Variants in SESTD1 observed in about 807,000 individuals in gnomAD.
SESTD1 encodes the protein SEC14 domain and spectrin repeat-containing protein 1.
A neutral mutation model predicts 101.7 loss-of-function variants in SESTD1; 43 were observed. That is an observed-to-expected ratio of 0.42 (90% CI 0.33 to 0.55). SESTD1 has a LOEUF of 0.55. SESTD1 is among the 20% of genes least tolerant of loss of function. The probability of loss-of-function intolerance (pLI) is 0.07; values close to 1 mark genes in which losing one functional copy is unlikely to be tolerated. For missense variants in SESTD1, 647 were observed against 815.1 expected, an observed-to-expected ratio of 0.79 and a Z score of 2.51; for synonymous variants, 283 against 286.8, an observed-to-expected ratio of 0.99 and a Z score of 0.13.
intron 1 of SESTD1, among the ~76,000 whole-genome samples, chr2:179,227,292 C>T (rs187935164): frequency 4.9e-4 from 74 of 152,266 alleles, no homozygotes; most frequent in Non-Finnish European, 9.4e-4. Context: ...CCCCCCACCT[C>T]ACTTTCTCAC....
intron 1 of SESTD1, among the ~76,000 whole-genome samples, chr2:179,218,151 A>T (rs1279520689): frequency 6.6e-6 from 1 of 152,200 alleles, no homozygotes; most frequent in African/African-American, 2.4e-5. Flanking sequence ...TTTAAAAAAT[A>T]ACATAAACAT....
intron 1 of SESTD1, among the ~76,000 whole-genome samples, chr2:179,207,025 C>T (rs1489469878): frequency 1.5e-5 from 2 of 133,240 alleles, no homozygotes; most frequent in African/African-American, 6.0e-5. Context: ...CACCCACCAT[C>T]CCCCAAAGTG....
Position 179,115,148 on chromosome 2 carries a change from C to T in SESTD1, c.1756G>A (p.Val586Ile). 1 of 1,613,926 alleles carries T rather than the reference C, an allele frequency of 6.2e-7. No individual in the cohort carries two copies. Among genetic ancestry groups the T allele is most frequent in the South Asian group, 1.1e-5 (1 of 91,044 alleles). Residue 586 changes from valine (V) to isoleucine (I), a missense_variant, in exon 16 of 18, where the codon GTA becomes ATA. By Grantham distance (29) the Val-to-Ile change is conservative. Coordinates refer to ENST00000428443, the MANE Select transcript of SESTD1 (RefSeq NM_178123.5). Reference protein sequence around the residue: ...SGDTLPRLNRVWKQFTIASEE... With the variant: ...SGDTLPRLNRIWKQFTIASEE... ...GATGCTATTGTAAATTGTTTCCATA[C>T]TCTGTTCAGTCGAGGAAGTGTATCC... is the stretch of plus-strand genomic sequence containing the variant.
At chr2:179,177,666 C>T (rs2046034657) in intron 3 of SESTD1, among the ~76,000 whole-genome samples, 1 of 152,140 alleles carries the variant, frequency 6.6e-6, no homozygotes, top group Non-Finnish European at 1.5e-5. Context: ...AGCACTGAAG[C>T]TGAGCTTCCA....
intron 1 of SESTD1, among the ~76,000 whole-genome samples, chr2:179,220,572 G>A (rs1055238904): frequency 6.6e-6 from 1 of 152,078 alleles, no homozygotes; most frequent in African/African-American, 2.4e-5. Context: ...GCCTTGTGTT[G>A]AGCTCTAGAA....
At position 179,105,116 on chromosome 2, in the gene SESTD1, AAG is replaced by A. The variant is rs1172097057; in HGVS notation, c.*4781_*4782del. On this transcript the variant is annotated 3_prime_UTR_variant, in exon 18 of 18. Transcript: ENST00000428443. Reference sequence around the variant, plus strand: ...TTCATCATCACTGCCTGAGTTTACCAAGAGACTGCTCCTCTCTAAGCATAGCC... The same window carrying A: ...TTCATCATCACTGCCTGAGTTTACCAAGACTGCTCCTCTCTAAGCATAGCC... The A allele has an allele frequency of 1.3e-5, 2 of 151,010 alleles. No homozygotes were observed. Among genetic ancestry groups the A allele is most frequent in the African/African-American group, 4.9e-5 (2 of 41,072 alleles). 9.4% of individuals were successfully genotyped at this position (151,010 alleles called of 1,614,324 possible).
intron 10 of SESTD1, 99 bp downstream of exon 10, chr2:179,132,205 T>C (rs2045028176): frequency 2.9e-6 from 4 of 1,373,686 alleles, no homozygotes; most frequent in African/African-American, 3.0e-5. Context: ...TCATGCCCCA[T>C]ACCAAAGTTT....
At chr2:179,141,596 T>C (rs1013967483) in intron 9 of SESTD1, among the ~76,000 whole-genome samples, 8 of 152,240 alleles carry the variant, frequency 5.3e-5, no homozygotes, top group Non-Finnish European at 1.2e-4. Flanking sequence ...AAAAATTACC[T>C]TCTTTAATTC....
chr2:179,190,473 G>A (rs914299350), intron 2 of SESTD1, among the ~76,000 whole-genome samples: 2 of 151,728 alleles, frequency 1.3e-5, no homozygotes, highest in African/African-American at 4.8e-5. Flanking sequence ...TCTGAGTATC[G>A]GCCTCAGAAA....
intron 2 of SESTD1, among the ~76,000 whole-genome samples, chr2:179,187,014 C>T (rs922904105): frequency 7.9e-5 from 12 of 152,152 alleles, no homozygotes; most frequent in Non-Finnish European, 1.0e-4. Context: ...ATTTCACATC[C>T]CACCAAACTA....
chr2:179,126,835 C>G (rs572277882), intron 10 of SESTD1, among the ~76,000 whole-genome samples: 2 of 152,212 alleles, frequency 1.3e-5, no homozygotes, highest in African/African-American at 4.8e-5. Context: ...GCCTTAGTAG[C>G]TGCTAAGGCC....
At chr2:179,161,864 T>C (rs985316877) in intron 5 of SESTD1, among the ~76,000 whole-genome samples, 4 of 152,200 alleles carry the variant, frequency 2.6e-5, no homozygotes, top group Non-Finnish European at 5.9e-5. Context: ...ATGTGTAAAG[T>C]CTTTTATTCT....
intron 16 of SESTD1, among the ~76,000 whole-genome samples, chr2:179,114,700 T>C (rs1055453663): frequency 6.6e-6 from 1 of 152,212 alleles, no homozygotes; most frequent in East Asian, 1.9e-4. Flanking sequence ...TGACAATTAA[T>C]AGCAGTTGCC....
At chr2:179,163,393 A>G (rs1559122689) in intron 5 of SESTD1, among the ~76,000 whole-genome samples, 1 of 152,134 alleles carries the variant, frequency 6.6e-6, no homozygotes, top group Non-Finnish European at 1.5e-5. Context: ...ACATTCTAAT[A>G]TTTATGCGTA....
intron 13 of SESTD1, 151 bp from the exon 14 acceptor site, chr2:179,117,764 A>G: frequency 1.9e-6 from 1 of 534,540 alleles, no homozygotes; most frequent in Non-Finnish European, 3.1e-6. Flanking sequence ...ATTTGTAAGA[A>G]TTTTAGGGAT....
chr2:179,112,208 G>T (rs1273448376), intron 17 of SESTD1, among the ~76,000 whole-genome samples: 2 of 152,126 alleles, frequency 1.3e-5, no homozygotes, highest in East Asian at 1.9e-4. Flanking sequence ...ACCTGAGATT[G>T]TAAGTTTATG....
intron 9 of SESTD1, among the ~76,000 whole-genome samples, chr2:179,139,522 A>G (rs966367199): frequency 6.6e-6 from 1 of 152,226 alleles, no homozygotes; most frequent in Non-Finnish European, 1.5e-5. Flanking sequence ...TTTGGTGCCT[A>G]TTGACCTAGA....
chr2:179,192,015 T>C, intron 1 of SESTD1, 149 bp from the exon 2 acceptor site: 1 of 615,550 alleles, frequency 1.6e-6, no homozygotes, highest in Non-Finnish European at 2.9e-6. Context: ...AGTTATCCTG[T>C]GCATTGTAGA....
chr2:179,220,091 T>C (rs957373225), intron 1 of SESTD1, among the ~76,000 whole-genome samples: 1 of 146,120 alleles, frequency 6.8e-6, no homozygotes, highest in African/African-American at 2.6e-5. Flanking sequence ...CTATACTATA[T>C]TTAAAATTCA....
Sources: gnomAD v4.1 joint callset for allele counts (sites outside exome capture counted in the v4.1 genomes callset) on GRCh38, gnomAD v4.1.1 for gene constraint, MANE v1.5 for transcripts, NCBI Gene and HGNC (gene_info 2026-07-23, HGNC 2026-07-21) for gene names.